The following GRB10 variants were observed in gnomAD, a reference collection of about 807,000 sequenced individuals.
GRB10 encodes the protein growth factor receptor bound protein 10.
A neutral mutation model predicts 80.9 loss-of-function variants in GRB10; 20 were observed. That is an observed-to-expected ratio of 0.25 (90% confidence interval 0.17 to 0.36). The LOEUF is 0.36. Among genes scored for constraint, GRB10 ranks in the 10% least tolerant of loss-of-function variants. GRB10 has a pLI of 1.00. For missense variants in GRB10, 548 were observed against 747.7 expected (o/e 0.73, Z 3.12); for synonymous variants, 291 against 291.5 (o/e 1.00, Z 0.02).
At chr7:50,669,982 C>A (rs1048516951) in intron 6 of GRB10, 119 bp from the exon 7 acceptor site, 1 of 1,264,472 alleles carries the variant, frequency 7.9e-7, no homozygotes, top group Non-Finnish European at 1.1e-6. Flanking sequence ...ACTGGCATGC[C>A]CACGTTCACA....
intron 4 of GRB10, among the ~76,000 whole-genome samples, chr7:50,714,009 C>T (rs1370262216): frequency 6.6e-6 from 1 of 151,530 alleles, no homozygotes; most frequent in Non-Finnish European, 1.5e-5. Flanking sequence ...CACCTCCACA[C>T]TCTTCATTAT....
intron 5 of GRB10, among the ~76,000 whole-genome samples, chr7:50,694,140 A>G (rs1053605445): frequency 5.3e-5 from 8 of 152,194 alleles, no homozygotes; most frequent in Admixed American, 2.6e-4. Context: ...CCTGGCCAAC[A>G]TGGCGAAACC....
At chr7:50,619,409 C>T in intron 8 of GRB10, 124 bp from the exon 9 acceptor site, 1 of 719,158 alleles carries the variant, frequency 1.4e-6, no homozygotes, top group Non-Finnish European at 2.5e-6. Flanking sequence ...AAGATGAGGT[C>T]AGGAAGGAAA....
At chr7:50,684,486 T>C (rs1281408333) in intron 5 of GRB10, among the ~76,000 whole-genome samples, 1 of 152,112 alleles carries the variant, frequency 6.6e-6, no homozygotes, top group African/African-American at 2.4e-5. Context: ...TTTTCCTTGG[T>C]TTCATCCTGC....
intron 7 of GRB10, among the ~76,000 whole-genome samples, chr7:50,648,049 AAG>A (rs1242189045): frequency 3.3e-5 from 5 of 152,040 alleles, no homozygotes; most frequent in Non-Finnish European, 7.4e-5. Context: ...GGCCTTGAGG[AAG>A]AGTTTGGATG....
chr7:50,746,494 G>A (rs1255721207), intron 3 of GRB10, among the ~76,000 whole-genome samples: 2 of 152,084 alleles, frequency 1.3e-5, no homozygotes, highest in African/African-American at 4.8e-5. Flanking sequence ...AAATAAGGGA[G>A]GAGCGGGCAC....
intron 3 of GRB10, among the ~76,000 whole-genome samples, chr7:50,741,540 G>C (rs1487337445): frequency 7.9e-6 from 1 of 126,884 alleles, no homozygotes; most frequent in African/African-American, 3.1e-5. Context: ...CAGAAATTAG[G>C]AACATGTGTT....
At chr7:50,746,577 G>A (rs1011906240) in intron 3 of GRB10, among the ~76,000 whole-genome samples, 6 of 152,116 alleles carry the variant, frequency 3.9e-5, no homozygotes, top group Admixed American at 3.3e-4. Flanking sequence ...GCACCAAAGA[G>A]GATAATGGCA....
intron 5 of GRB10, among the ~76,000 whole-genome samples, chr7:50,684,378 TA>T (rs1193285612): frequency 4.1e-4 from 62 of 151,550 alleles, no homozygotes; most frequent in African/African-American, 1.4e-3. Flanking sequence ...TAATTATATT[TA>T]AAAAAAATAA....
At chr7:50,662,715 T>C (rs2059402228) in intron 7 of GRB10, among the ~76,000 whole-genome samples, 1 of 152,210 alleles carries the variant, frequency 6.6e-6, no homozygotes, top group South Asian at 2.1e-4. Context: ...TTGCAGCATG[T>C]GGAAGTGCTG....
At chr7:50,660,154 G>A (rs2059097101) in intron 7 of GRB10, among the ~76,000 whole-genome samples, 1 of 152,192 alleles carries the variant, frequency 6.6e-6, no homozygotes, top group African/African-American at 2.4e-5. Flanking sequence ...GGGCATGGGG[G>A]CACAGCTGCG....
At chr7:50,637,100 C>A (rs1407487736) in intron 7 of GRB10, among the ~76,000 whole-genome samples, 1 of 152,122 alleles carries the variant, frequency 6.6e-6, no homozygotes, top group Non-Finnish European at 1.5e-5. Flanking sequence ...CCTTACCTTC[C>A]CCAAGTAGCT....
intron 5 of GRB10, among the ~76,000 whole-genome samples, chr7:50,684,191 AG>A (rs2061846551): frequency 1.4e-5 from 2 of 147,284 alleles, no homozygotes; most frequent in Non-Finnish European, 3.0e-5. Flanking sequence ...CTGGTAGCAA[AG>A]GCTAAAGTCT....
chr7:50,721,386 C>T (rs917536612), intron 4 of GRB10, among the ~76,000 whole-genome samples: 1 of 152,242 alleles, frequency 6.6e-6, no homozygotes, highest in African/African-American at 2.4e-5. Context: ...CCATGAGTCA[C>T]AGAGGAGCCG....
intron 1 of GRB10, among the ~76,000 whole-genome samples, chr7:50,789,319 G>A (rs1385939603): frequency 1.3e-5 from 2 of 152,190 alleles, no homozygotes; most frequent in African/African-American, 2.4e-5. Context: ...CAAGGCTGAC[G>A]GCAAAGTGCC....
intron 2 of GRB10, among the ~76,000 whole-genome samples, chr7:50,756,559 G>A (rs2075116211): frequency 6.6e-6 from 1 of 152,210 alleles, no homozygotes; most frequent in South Asian, 2.1e-4. Context: ...TGTGTTCCAC[G>A]AGAGGGGTGC....
intron 7 of GRB10, among the ~76,000 whole-genome samples, chr7:50,639,811 C>G (rs1205828881): frequency 6.6e-6 from 1 of 152,114 alleles, no homozygotes; most frequent in Non-Finnish European, 1.5e-5. Context: ...ACCAAGTAGA[C>G]AGGCTTATTT....
intron 2 of GRB10, among the ~76,000 whole-genome samples, chr7:50,778,139 C>A (rs978068621): frequency 6.6e-6 from 1 of 152,156 alleles, no homozygotes; most frequent in East Asian, 1.9e-4. Flanking sequence ...TCCACCCCGA[C>A]CCCCCAAAAT....
intron 13 of GRB10, 78 bp from the exon 14 acceptor site, chr7:50,606,492 A>G: frequency 9.8e-7 from 1 of 1,020,754 alleles, no homozygotes; most frequent in Non-Finnish European, 1.6e-6. Context: ...ACAGCAGGAA[A>G]GGGCAATGTT....
Sources: allele counts gnomAD v4.1 joint callset (sites outside exome capture counted in the v4.1 genomes callset), GRCh38; gene constraint gnomAD v4.1.1; transcripts MANE v1.5; gene names NCBI Gene and HGNC (gene_info 2026-07-23, HGNC 2026-07-21).